FHIT: variants seen among roughly 807,000 people sequenced by gnomAD.
FHIT encodes bis(5'-adenosyl)-triphosphatase.
A neutral mutation model predicts 17.9 loss-of-function variants in FHIT; 19 were observed. The observed-to-expected ratio is 1.06, with a 90% CI of 0.74 to 1.56. The LOEUF (loss-of-function observed/expected upper bound fraction) is 1.56. Ranked by LOEUF, FHIT falls within the 40% of genes most tolerant of loss-of-function variation. The pLI is 0.00. For synonymous variants in FHIT, 81 were observed against 69.7 expected (o/e 1.16, Z -0.81); for missense variants, 248 against 189.2 (o/e 1.31, Z -1.82).
chr3:61,009,311 T>A (rs575289970), intron 3 of FHIT, among the ~76,000 whole-genome samples: 1 of 152,172 alleles, frequency 6.6e-6, no homozygotes, highest in Non-Finnish European at 1.5e-5. Context: ...TTCTTTTGGG[T>A]TCCCTAATTC....
rs149573412 is a variant in FHIT at position 59,920,925 on chromosome 3, T to G, written c.348+1421A>C. ...GCCTATTCCCAAAGGTAGTCATGCA[T>G]CAGAGTCTCCTGGGGATTTCCTTAT... On this transcript the variant is annotated intron_variant, in intron 8 of 9. Transcript: ENST00000492590. Among the ~76,000 whole-genome samples, 273 of 152,308 alleles carry G rather than the reference T, an allele frequency of 1.8e-3. 1 individual carries two copies. The highest frequency in any genetic ancestry group is 6.2e-3 in the African/African-American group (259 of 41,570).
At chr3:60,555,781 T>C (rs766075902) in intron 4 of FHIT, among the ~76,000 whole-genome samples, 1 of 152,184 alleles carries the variant, frequency 6.6e-6, no homozygotes, top group Non-Finnish European at 1.5e-5. Flanking sequence ...CATCCAACAC[T>C]AACAAGCTAG....
At chr3:60,390,481 C>G (rs1482607118) in intron 5 of FHIT, among the ~76,000 whole-genome samples, 1 of 146,508 alleles carries the variant, frequency 6.8e-6, no homozygotes, top group Non-Finnish European at 1.5e-5. Flanking sequence ...ATTTTAGAGT[C>G]TACTTCTTCT....
intron 5 of FHIT, among the ~76,000 whole-genome samples, chr3:60,188,207 CTTTTTTTTTTT>C (rs1210975877): frequency 8.0e-6 from 1 of 125,574 alleles, no homozygotes. Context: ...CAGTTTCTTT[CTTTTTTTTTTT>C]TTTTTTTTTA....
chr3:60,895,132 C>G (rs1367188681), intron 3 of FHIT, among the ~76,000 whole-genome samples: 2 of 152,200 alleles, frequency 1.3e-5, no homozygotes, highest in African/African-American at 4.8e-5. Context: ...CTCAGCCTTC[C>G]TTTGCCCATC....
chr3:60,772,196 C>T (rs1700067301), intron 4 of FHIT, among the ~76,000 whole-genome samples: 1 of 151,828 alleles, frequency 6.6e-6, no homozygotes. Flanking sequence ...TGGTTTTGCC[C>T]CCATGATGTG....
At chr3:60,270,382 C>A (rs1706803258) in intron 5 of FHIT, among the ~76,000 whole-genome samples, 2 of 152,192 alleles carry the variant, frequency 1.3e-5, no homozygotes, top group African/African-American at 4.8e-5. Context: ...CTATTACTTG[C>A]ACAGTGACAT....
chr3:61,001,552 T>C (rs979499769), intron 3 of FHIT, among the ~76,000 whole-genome samples: 2 of 152,158 alleles, frequency 1.3e-5, no homozygotes, highest in Non-Finnish European at 2.9e-5. Flanking sequence ...AAAGCCAATC[T>C]CAAGAAGATA....
At chr3:60,350,407 T>C (rs73107035) in intron 5 of FHIT, among the ~76,000 whole-genome samples, 21,682 of 152,202 alleles carry the variant, frequency 0.14, 1,639 homozygotes, top group Non-Finnish European at 0.16. Context: ...CAAACTCCCA[T>C]GATTTTATAT....
chr3:60,133,874 G>A (rs1296810910), intron 5 of FHIT, among the ~76,000 whole-genome samples: 1 of 149,420 alleles, frequency 6.7e-6, no homozygotes, highest in Non-Finnish European at 1.5e-5. Flanking sequence ...CCATTTTTGT[G>A]ACAGTTTCCC....
intron 5 of FHIT, among the ~76,000 whole-genome samples, chr3:60,367,873 A>C (rs1350973269): frequency 2.0e-5 from 3 of 152,172 alleles, no homozygotes; most frequent in African/African-American, 7.2e-5. Flanking sequence ...ACCAAAAATA[A>C]GTTCTGCCTG....
At chr3:60,169,964 A>G (rs1701345397) in intron 5 of FHIT, among the ~76,000 whole-genome samples, 1 of 152,216 alleles carries the variant, frequency 6.6e-6, no homozygotes, top group African/African-American at 2.4e-5. Context: ...ACAATGTAGC[A>G]CATGGAATGG....
At chr3:60,363,663 T>C (rs541318396) in intron 5 of FHIT, among the ~76,000 whole-genome samples, 5 of 152,228 alleles carry the variant, frequency 3.3e-5, no homozygotes, top group Admixed American at 2.6e-4. Context: ...CTCTGCGCTG[T>C]GTATCTCCTG....
chr3:60,713,479 G>C (rs1377699345), intron 4 of FHIT, among the ~76,000 whole-genome samples: 4 of 149,724 alleles, frequency 2.7e-5, no homozygotes, highest in African/African-American at 9.8e-5. Flanking sequence ...AAAAATTAAT[G>C]AATCCAGGAG....
rs193169355 is a variant in FHIT at position 61,043,194 on chromosome 3, G to A, written c.-163-1095C>T. On this transcript the variant is annotated intron_variant, in intron 2 of 9. Transcript: ENST00000492590. ...GCAGTGCAAGGGGTCAGGGAATTCC[G>A]TTTCCTAGCCAAGGGAAGCTGTGAC... Among the ~76,000 whole-genome samples, 14 of 152,284 alleles carry A rather than the reference G, an allele frequency of 9.2e-5. No homozygotes were observed. In the South Asian group the frequency reaches 1.2e-3, roughly 14 times the overall value.
chr3:60,354,889 G>A (rs1699578397), intron 5 of FHIT, among the ~76,000 whole-genome samples: 1 of 152,040 alleles, frequency 6.6e-6, no homozygotes, highest in South Asian at 2.1e-4. Flanking sequence ...GCTAAGCCAG[G>A]GCAGTTAGTC....
At chr3:60,114,880 G>C (rs1051173609) in intron 5 of FHIT, among the ~76,000 whole-genome samples, 40 of 152,144 alleles carry the variant, frequency 2.6e-4, no homozygotes, top group African/African-American at 9.2e-4. Flanking sequence ...ACTGACAGAA[G>C]AGAGAGGCCA....
chr3:61,189,874 T>C (rs2038657516), intron 2 of FHIT, among the ~76,000 whole-genome samples: 1 of 152,202 alleles, frequency 6.6e-6, no homozygotes, highest in African/African-American at 2.4e-5. Flanking sequence ...GAAAACTGGC[T>C]AGCCATATGT....
At chr3:61,160,988 T>A (rs1203081339) in intron 2 of FHIT, among the ~76,000 whole-genome samples, 1 of 152,174 alleles carries the variant, frequency 6.6e-6, no homozygotes, top group Non-Finnish European at 1.5e-5. Flanking sequence ...TATCTGGGTA[T>A]AAAATTGAGA....
Sources: allele counts gnomAD v4.1 joint callset (sites outside exome capture counted in the v4.1 genomes callset), GRCh38; gene constraint gnomAD v4.1.1; transcripts MANE v1.5; gene names NCBI Gene and HGNC (gene_info 2026-07-23, HGNC 2026-07-21).